STXBP5: variants seen among roughly 807,000 people sequenced by gnomAD.
The protein encoded by STXBP5 is syntaxin binding protein 5.
In STXBP5, 50 loss-of-function variants were observed where a neutral mutation model predicts 152.4. The observed-to-expected ratio is 0.33, with a 90% CI of 0.26 to 0.42. The LOEUF is 0.42. Ranked by LOEUF, STXBP5 falls within the 10% of genes least tolerant of loss-of-function variation. The probability of loss-of-function intolerance (pLI) is 1.00; values close to 1 mark genes in which losing one functional copy is unlikely to be tolerated. For synonymous variants in STXBP5, 492 were observed against 494.7 expected, an observed-to-expected ratio of 0.99 and a Z score of 0.07; for missense variants, 1,167 against 1,388.6, an observed-to-expected ratio of 0.84 and a Z score of 2.54.
intron 7 of STXBP5, among the ~76,000 whole-genome samples, chr6:147,273,747 C>T (rs1379229483): frequency 6.6e-6 from 1 of 152,038 alleles, no homozygotes; most frequent in African/African-American, 2.4e-5. Context: ...GTCAGGAGAT[C>T]GAGACCATCC....
In STXBP5 at chr6:147,260,707, C is replaced by T; in HGVS notation, c.524C>T (p.Thr175Ile). 3 of 1,613,702 alleles carry T rather than the reference C, an allele frequency of 1.9e-6. No individual in the cohort carries two copies. The highest frequency in any genetic ancestry group is 1.7e-6 in the Non-Finnish European group (2 of 1,179,726). The stretch of plus-strand genomic sequence containing the variant: ...CATATTGTCAATGTGGAGTCCTTCA[C>T]ACTCTCAGGCTACGTCATTATGTGG... ...NIHIVNVESF[T>I]LSGYVIMWNK... Residue 175 changes from threonine (T) to isoleucine (I), a missense_variant, in exon 5 of 28, where the codon ACA (threonine) becomes ATA (isoleucine). Physicochemically the swap from Thr to Ile is moderately conservative, Grantham distance 89. Around this residue, in one of 3 missense-constraint regions of STXBP5, gnomAD observed 310 missense variants for 346.1 expected, o/e 0.90. Transcript: ENST00000321680.
chr6:147,262,336 C>T lies in STXBP5; in HGVS notation c.613C>T (p.Pro205Ser). 1 of 1,559,584 alleles carries T rather than the reference C, an allele frequency of 6.4e-7. No individual in the cohort carries two copies. Among genetic ancestry groups the T allele is most frequent in the Middle Eastern group, 1.8e-4 (1 of 5,484 alleles). ...ACCTGTGGTCCATATAAGTGATAAT[C>T]CAATGGACGAGGGAAAGGTAGAATT... ...PGPVVHISDNPMDEGKLLIGF... is the reference protein window; with the variant it reads ...PGPVVHISDNSMDEGKLLIGF... The change falls in exon 6 of 28, where the codon CCA (proline) becomes TCA (serine). Residue 205 changes from proline to serine, a missense_variant. Pro to Ser is a moderately conservative substitution (Grantham distance 74). Around this residue, in one of 3 missense-constraint regions of STXBP5, gnomAD observed 310 missense variants for 346.1 expected, o/e 0.90. Transcript: ENST00000321680.
intron 11 of STXBP5, 144 bp from the exon 12 acceptor site, chr6:147,313,740 T>G (rs533591576): frequency 1.0e-4 from 57 of 564,290 alleles, no homozygotes; most frequent in African/African-American, 9.2e-4. Flanking sequence ...TATAAAAGAC[T>G]TCCATTTTTA....
At chr6:147,327,549 C>T (rs751803158) in intron 18 of STXBP5, among the ~76,000 whole-genome samples, 5 of 152,086 alleles carry the variant, frequency 3.3e-5, no homozygotes, top group Non-Finnish European at 7.4e-5. Flanking sequence ...TCAGGTGATC[C>T]TCCCACCTCA....
chr6:147,328,631 G>T (rs1582951654), intron 18 of STXBP5: 6 of 436,782 alleles, frequency 1.4e-5, no homozygotes, highest in East Asian at 7.3e-5. Flanking sequence ...AGAGATTGTT[G>T]TCCCAACCAT....
intron 16 of STXBP5, among the ~76,000 whole-genome samples, chr6:147,319,429 T>C (rs1185978348): frequency 6.6e-6 from 1 of 152,206 alleles, no homozygotes; most frequent in East Asian, 1.9e-4. Context: ...ACATGACAGC[T>C]GTCCTTTAGA....
At chr6:147,350,365 A>G (rs745673321) in intron 21 of STXBP5, among the ~76,000 whole-genome samples, 1 of 152,102 alleles carries the variant, frequency 6.6e-6, no homozygotes, top group Non-Finnish European at 1.5e-5. Flanking sequence ...TTCAGAAGGA[A>G]ATTTTCTGCT....
At chr6:147,222,024 G>A (rs1475518504) in intron 2 of STXBP5, among the ~76,000 whole-genome samples, 3 of 151,776 alleles carry the variant, frequency 2.0e-5, no homozygotes, top group African/African-American at 7.3e-5. Flanking sequence ...TATTTCCTTA[G>A]CTGTGTCCAG....
chr6:147,206,081 T>C lies in STXBP5; in HGVS notation c.248+13T>C, dbSNP rs1438920317. On this transcript the variant is annotated intron_variant, in intron 2 of 27. Transcript: ENST00000321680. ...GTGCTTTAAGGCTGTATCCTTTCTT[T>C]AATTTTATTTTTTAACTTCTACTTT... 1 of 1,606,438 alleles carries C rather than the reference T, an allele frequency of 6.2e-7. No individual in the cohort carries two copies. Among genetic ancestry groups the C allele is most frequent in the Non-Finnish European group, 8.5e-7 (1 of 1,173,330 alleles).
At chr6:147,358,573 C>A (rs1434222176) in intron 22 of STXBP5, among the ~76,000 whole-genome samples, 1 of 151,962 alleles carries the variant, frequency 6.6e-6, no homozygotes, top group African/African-American at 2.4e-5. Flanking sequence ...GACAGCAACT[C>A]CTCTGCATAT....
Position 147,231,879 on chromosome 6 carries a change from G to T in STXBP5, c.249-3371G>T, listed in dbSNP as rs533818132. ...GTATTAGGAAGAATCATGTGTGCAA[G>T]GAATAATAATTATAGATGTGAAAAG... On this transcript the variant is annotated intron_variant, in intron 2 of 27. Coordinates refer to ENST00000321680, the MANE Select transcript of STXBP5 (RefSeq NM_001127715.4). Among the ~76,000 whole-genome samples the T allele has an allele frequency of 2.6e-5, 4 of 151,886 alleles. No homozygotes were observed. The East Asian group carries it at 7.7e-4, about 29-fold the overall frequency.
At chr6:147,238,213 G>T (rs1223863864) in intron 3 of STXBP5, among the ~76,000 whole-genome samples, 1 of 152,156 alleles carries the variant, frequency 6.6e-6, no homozygotes, top group Admixed American at 6.5e-5. Context: ...GCTGCATCTG[G>T]CTGACTTCTG....
In STXBP5 at chr6:147,271,354, A is replaced by G. The variant is rs1780159890; in HGVS notation, c.714+4187A>G. 2.6e-5 allele frequency among the ~76,000 whole-genome samples: 4 copies of G among 152,278 alleles called. No homozygotes were observed. The South Asian group carries it at 6.2e-4, about 24-fold the overall frequency. On this transcript the variant is annotated intron_variant, in intron 7 of 27. Coordinates refer to ENST00000321680, the MANE Select transcript of STXBP5 (RefSeq NM_001127715.4). Reference sequence around the variant, plus strand: ...ATCAGAGTGTTTCACCCACCAACAGAGTAGACATTCTTTTCAGCTATACAC... The same window carrying G: ...ATCAGAGTGTTTCACCCACCAACAGGGTAGACATTCTTTTCAGCTATACAC...
chr6:147,346,365 A>G (rs1040774822), intron 21 of STXBP5, among the ~76,000 whole-genome samples: 3 of 152,186 alleles, frequency 2.0e-5, no homozygotes, highest in African/African-American at 7.2e-5. Context: ...AGATGGGTCT[A>G]CTTCTTGTAG....
chr6:147,386,316 A>T lies in STXBP5; in HGVS notation c.*1561A>T, dbSNP rs2128425426. 6.6e-6 allele frequency: 1 copy of T among 151,946 alleles called. No homozygotes were observed. Among genetic ancestry groups the T allele is most frequent in the South Asian group, 2.1e-4 (1 of 4,824 alleles). The allele number at this position is 151,946 out of a possible 1,614,324, so 9.4% of individuals were successfully genotyped here. A position where few individuals can be genotyped will look rare whatever the true frequency, so the allele number is the denominator to read the frequency against. ...AGAGCACAAATTGATAGTAAACAGG[A>T]TGGTTGTTTTTCTATTCTATATGAT... is the stretch of plus-strand genomic sequence containing the variant. On this transcript the variant is annotated 3_prime_UTR_variant, in exon 28 of 28. Transcript: ENST00000321680.
At chr6:147,218,333 G>A (rs534942866) in intron 2 of STXBP5, among the ~76,000 whole-genome samples, 66 of 152,124 alleles carry the variant, frequency 4.3e-4, no homozygotes, top group African/African-American at 1.0e-3. Flanking sequence ...GCTGTTCTTC[G>A]TGTAGATCTT....
At chr6:147,375,500 A>G (rs981631701) in intron 26 of STXBP5, among the ~76,000 whole-genome samples, 3 of 152,050 alleles carry the variant, frequency 2.0e-5, no homozygotes, top group Non-Finnish European at 2.9e-5. Context: ...AATGCAGCAC[A>G]AAGAAACAAA....
intron 8 of STXBP5, among the ~76,000 whole-genome samples, chr6:147,282,275 G>T (rs1780738070): frequency 6.6e-6 from 1 of 152,144 alleles, no homozygotes. Context: ...CTGAATTAAA[G>T]ATGAGCATTT....
intron 8 of STXBP5, among the ~76,000 whole-genome samples, chr6:147,279,270 AT>A (rs1185172023): frequency 6.6e-6 from 1 of 152,144 alleles, no homozygotes; most frequent in Non-Finnish European, 1.5e-5. Context: ...TAGAATTTGT[AT>A]TTCTTTATTA....
Sources: gnomAD v4.1 joint callset for allele counts (sites outside exome capture counted in the v4.1 genomes callset) on GRCh38, gnomAD v4.1.1 for gene constraint, gnomAD v4.1.1 regional missense constraint, MANE v1.5 for transcripts, NCBI Gene and HGNC (gene_info 2026-07-23, HGNC 2026-07-21) for gene names.